Variants in TRHDE observed in about 807,000 individuals in gnomAD.
TRHDE encodes thyrotropin releasing hormone degrading enzyme, also known as thyrotropin-releasing hormone-degrading ectoenzyme.
TRHDE carries 72 observed loss-of-function variants against 125.7 expected under a neutral mutation model. The ratio of observed to expected loss-of-function variants is 0.57; its 90% CI spans 0.47 to 0.70. TRHDE has a LOEUF of 0.70. Among genes scored for constraint, TRHDE ranks in the 30% least tolerant of loss-of-function variants. The pLI is 0.00. For missense variants in TRHDE, 1,110 were observed against 1,327.1 expected (o/e 0.84, Z 2.54); for synonymous variants, 509 against 509.1 (o/e 1.00, Z 0.00).
chr12:72,338,691 C>T (rs550611006), intron 2 of TRHDE, among the ~76,000 whole-genome samples: 7 of 152,196 alleles, frequency 4.6e-5, no homozygotes, highest in Non-Finnish European at 1.0e-4. Context: ...CATATCAGGT[C>T]GCAGATGATG....
rs1880156038 is a variant in TRHDE at position 72,293,202 on chromosome 12, T to G, written c.1188+6248T>G. ...CTAATGTTGATGGGAATATTTGTTT[T>G]TTTTTTTGCTAATATATTTGAGTTT... On this transcript the variant is annotated intron_variant, in intron 2 of 18. Coordinates refer to ENST00000261180, the MANE Select transcript of TRHDE (RefSeq NM_013381.3). Among the ~76,000 whole-genome samples the G allele has an allele frequency of 3.9e-5, 6 of 152,270 alleles. No individual in the cohort carries two copies. In the South Asian group the frequency reaches 6.2e-4, roughly 16 times the overall value.
intron 2 of TRHDE, among the ~76,000 whole-genome samples, chr12:72,366,551 T>TGCAAG (rs1871346917): frequency 6.6e-6 from 1 of 151,944 alleles, no homozygotes; most frequent in African/African-American, 2.4e-5. Flanking sequence ...CCCTATTGGG[T>TGCAAG]GCAAGGCATC....
intron 2 of TRHDE, among the ~76,000 whole-genome samples, chr12:72,351,908 C>A (rs1032562822): frequency 6.6e-6 from 1 of 151,828 alleles, no homozygotes; most frequent in African/African-American, 2.4e-5. Context: ...TAGAGTTTTG[C>A]ACATATGCTT....
At chr12:72,308,548 C>T (rs147223658) in intron 2 of TRHDE, among the ~76,000 whole-genome samples, 5 of 152,092 alleles carry the variant, frequency 3.3e-5, no homozygotes, top group African/African-American at 4.8e-5. Flanking sequence ...TTGTGAAGGA[C>T]GATTTTTCTT....
chr12:72,491,563 G>T (rs1441919602), intron 5 of TRHDE, among the ~76,000 whole-genome samples: 1 of 151,770 alleles, frequency 6.6e-6, no homozygotes, highest in East Asian at 1.9e-4. Context: ...GAGACATGAC[G>T]CATTCAGCTT....
In TRHDE at chr12:72,138,705, C is replaced by A. The variant is rs140459720; in HGVS notation, n.279+32953C>A. ...CATTATAATTTGATTATGAGATTCT[C>A]TGAGGAGTCGTGACCATATTCCTCA... On this transcript the variant is annotated intron_variant and non_coding_transcript_variant, in intron 2 of 4. Coordinates refer to the TRHDE transcript ENST00000548156. Among the ~76,000 whole-genome samples, 4 of 152,346 alleles carry A rather than the reference C, an allele frequency of 2.6e-5. No individual in the cohort carries two copies. In the East Asian group the frequency reaches 7.7e-4, roughly 29 times the overall value.
At chr12:72,433,585 T>C (rs1874596323) in intron 3 of TRHDE, among the ~76,000 whole-genome samples, 1 of 152,014 alleles carries the variant, frequency 6.6e-6, no homozygotes, top group African/African-American at 2.4e-5. Flanking sequence ...CAGTAGTGAC[T>C]GAAAATTTAA....
At chr12:72,434,235 A>G (rs1198793999) in intron 3 of TRHDE, among the ~76,000 whole-genome samples, 1 of 151,788 alleles carries the variant, frequency 6.6e-6, no homozygotes, top group Non-Finnish European at 1.5e-5. Context: ...AAATACAAAA[A>G]TTAGCCGAGC....
chr12:72,284,012 G>A (rs974002764), intron 1 of TRHDE, among the ~76,000 whole-genome samples: 19 of 151,800 alleles, frequency 1.3e-4, no homozygotes, highest in Non-Finnish European at 2.4e-4. Flanking sequence ...CCTAATACAG[G>A]GTGAGTATCC....
At chr12:72,320,434 A>T (rs1189266748) in intron 2 of TRHDE, among the ~76,000 whole-genome samples, 21 of 152,082 alleles carry the variant, frequency 1.4e-4, no homozygotes, top group Admixed American at 1.4e-3. Context: ...CATGAAAAAA[A>T]TCTGTACATG....
At chr12:72,191,918 TA>T (rs1877348826) in intron 2 of TRHDE, among the ~76,000 whole-genome samples, 1 of 152,188 alleles carries the variant, frequency 6.6e-6, no homozygotes, top group East Asian at 1.9e-4. Flanking sequence ...AGCAGTAGTA[TA>T]AACATAAGTA....
chr12:72,090,639 G>A (rs1050332964), intron 1 of TRHDE, among the ~76,000 whole-genome samples: 5 of 151,952 alleles, frequency 3.3e-5, no homozygotes. Flanking sequence ...GTTAGGACTG[G>A]GAGTTTTATG....
intron 3 of TRHDE, among the ~76,000 whole-genome samples, chr12:72,380,770 C>CTTTCCTTCCTTCCTTCCTTG (rs1872127182): frequency 1.1e-5 from 1 of 87,470 alleles, no homozygotes; most frequent in African/African-American, 4.0e-5. Context: ...TTCCTTGCTT[C>CTTTCCTTCCTTCCTTCCTTG]CTTCCTTCCT....
chr12:72,415,626 G>C (rs567912734), intron 3 of TRHDE, among the ~76,000 whole-genome samples: 1 of 150,678 alleles, frequency 6.6e-6, no homozygotes, highest in Admixed American at 6.6e-5. Context: ...CCACATATGA[G>C]TGAGAACATG....
chr12:72,104,812 G>A (rs183820746), intron 1 of TRHDE, among the ~76,000 whole-genome samples: 4 of 152,340 alleles, frequency 2.6e-5, no homozygotes, highest in Admixed American at 2.6e-4. Context: ...TAACTCAATA[G>A]CCAAGGACTT....
At chr12:72,431,005 C>G (rs1164559519) in intron 3 of TRHDE, among the ~76,000 whole-genome samples, 1 of 151,956 alleles carries the variant, frequency 6.6e-6, no homozygotes, top group African/African-American at 2.4e-5. Context: ...GCATTTTACT[C>G]TTTTTGATGT....
intron 3 of TRHDE, among the ~76,000 whole-genome samples, chr12:72,409,704 G>A (rs1246579478): frequency 1.3e-5 from 2 of 152,162 alleles, no homozygotes; most frequent in African/African-American, 4.8e-5. Context: ...ATGATTTGGA[G>A]ATGTGATTTA....
intron 2 of TRHDE, among the ~76,000 whole-genome samples, chr12:72,302,234 ATGTGTGTGTGTATG>A (rs1247851811): frequency 1.1e-4 from 9 of 84,238 alleles, no homozygotes; most frequent in African/African-American, 2.9e-4. Flanking sequence ...ATTATTATCT[ATGTGTGTGTGTATG>A]TGTGTGTGTG....
chr12:72,164,156 G>A (rs1254987602), intron 2 of TRHDE, among the ~76,000 whole-genome samples: 1 of 152,068 alleles, frequency 6.6e-6, no homozygotes. Context: ...AAAATTCATC[G>A]ATAAATGCAT....
Sources: gnomAD v4.1 joint callset for allele counts (sites outside exome capture counted in the v4.1 genomes callset) on GRCh38, gnomAD v4.1.1 for gene constraint, MANE v1.5 for transcripts, NCBI Gene and HGNC (gene_info 2026-07-23, HGNC 2026-07-21) for gene names.